THSD7A: variants seen among roughly 807,000 people sequenced by gnomAD.
THSD7A encodes thrombospondin type-1 domain-containing protein 7A.
Under a neutral mutation model 231.3 loss-of-function variants are expected in THSD7A, and 96 were observed. That is an observed-to-expected ratio of 0.41 (90% CI 0.35 to 0.49). THSD7A has a LOEUF of 0.49. Among genes scored for constraint, THSD7A ranks in the 20% least tolerant of loss-of-function variants. THSD7A has a pLI of 0.05. For missense variants in THSD7A, 2,290 were observed against 2,070.2 expected, an observed-to-expected ratio of 1.11 and a Z score of -2.06; for synonymous variants, 940 against 743.3, an observed-to-expected ratio of 1.26 and a Z score of -4.30.
chr7:11,806,218 C>T (rs1014741099), intron 1 of THSD7A, among the ~76,000 whole-genome samples: 1 of 152,146 alleles, frequency 6.6e-6, no homozygotes, highest in African/African-American at 2.4e-5. Flanking sequence ...GGAACTGCAG[C>T]TCCACTCCAT....
chr7:11,681,807 A>G (rs1783881669), intron 1 of THSD7A, among the ~76,000 whole-genome samples: 1 of 151,922 alleles, frequency 6.6e-6, no homozygotes, highest in Admixed American at 6.6e-5. Context: ...ACACATAGTG[A>G]GCAGAATTTC....
intron 6 of THSD7A, among the ~76,000 whole-genome samples, chr7:11,503,260 T>C (rs927537018): frequency 6.6e-6 from 1 of 152,228 alleles, no homozygotes; most frequent in Admixed American, 6.5e-5. Context: ...GCTAGCCATA[T>C]GCAGAAGATT....
intron 1 of THSD7A, among the ~76,000 whole-genome samples, chr7:11,726,362 C>T (rs1432884252): frequency 6.6e-6 from 1 of 152,026 alleles, no homozygotes; most frequent in Non-Finnish European, 1.5e-5. Context: ...CATTTTAAGT[C>T]GCAGAAACAA....
chr7:11,793,836 A>G (rs1039446204), intron 1 of THSD7A, among the ~76,000 whole-genome samples: 14 of 152,018 alleles, frequency 9.2e-5, no homozygotes, highest in African/African-American at 3.1e-4. Context: ...TGGGTGTTTT[A>G]TTTCTGATTT....
chr7:11,482,175 T>C (rs1054316100), intron 6 of THSD7A, among the ~76,000 whole-genome samples, 193 bp from the exon 7 acceptor site: 3 of 152,140 alleles, frequency 2.0e-5, no homozygotes, highest in Non-Finnish European at 4.4e-5. Flanking sequence ...TATACACACA[T>C]ATACACTCAT....
At chr7:11,728,486 T>C (rs1781619406) in intron 1 of THSD7A, among the ~76,000 whole-genome samples, 1 of 151,888 alleles carries the variant, frequency 6.6e-6, no homozygotes, top group African/African-American at 2.4e-5. Context: ...GTGTGCAAAC[T>C]CAAATGAACA....
At chr7:11,800,754 G>A (rs1269527508) in intron 1 of THSD7A, among the ~76,000 whole-genome samples, 2 of 152,046 alleles carry the variant, frequency 1.3e-5, no homozygotes, top group Admixed American at 6.6e-5. Context: ...ATTGTTTTTC[G>A]ATGAGTATAA....
At chr7:11,496,595 C>A (rs971306653) in intron 6 of THSD7A, among the ~76,000 whole-genome samples, 1 of 152,090 alleles carries the variant, frequency 6.6e-6, no homozygotes, top group South Asian at 2.1e-4. Context: ...GCATTGTGCT[C>A]AACTATCTAA....
At chr7:11,753,695 A>G (rs1338923844) in intron 1 of THSD7A, among the ~76,000 whole-genome samples, 6 of 151,978 alleles carry the variant, frequency 3.9e-5, no homozygotes, top group African/African-American at 1.4e-4. Flanking sequence ...GAGACCATAC[A>G]TATGAAAAAC....
intron 1 of THSD7A, among the ~76,000 whole-genome samples, chr7:11,776,448 T>C (rs1490194182): frequency 6.6e-6 from 1 of 152,220 alleles, no homozygotes; most frequent in Non-Finnish European, 1.5e-5. Flanking sequence ...AAAAAAGCCC[T>C]ACCCTTATTA....
intron 4 of THSD7A, among the ~76,000 whole-genome samples, chr7:11,563,651 G>A (rs924999561): frequency 9.2e-5 from 14 of 152,108 alleles, no homozygotes; most frequent in Non-Finnish European, 1.5e-4. Flanking sequence ...CATGAGCCAC[G>A]ATGCCCAGCC....
chr7:11,575,036 C>T (rs137954615), intron 4 of THSD7A, among the ~76,000 whole-genome samples: 15 of 152,000 alleles, frequency 9.9e-5, no homozygotes, highest in Non-Finnish European at 1.8e-4. Flanking sequence ...GCTCTTTGTA[C>T]GTCCATATTA....
intron 1 of THSD7A, among the ~76,000 whole-genome samples, chr7:11,826,959 G>A (rs1164691970): frequency 1.3e-5 from 2 of 151,968 alleles, no homozygotes; most frequent in Non-Finnish European, 2.9e-5. Flanking sequence ...ACTTTGAAAT[G>A]ACTGTGATAC....
chr7:11,739,624 C>A (rs1386768599), intron 1 of THSD7A, among the ~76,000 whole-genome samples: 1 of 151,462 alleles, frequency 6.6e-6, no homozygotes, highest in Non-Finnish European at 1.5e-5. Flanking sequence ...TCACTATGTT[C>A]CCAGGCTTGT....
chr7:11,375,117 GA>G lies in THSD7A; in HGVS notation c.*676del, dbSNP rs1225972352. The G allele has an allele frequency of 3.3e-5, 5 of 151,820 alleles. No homozygotes were observed. The highest frequency in any genetic ancestry group is 5.9e-5 in the Non-Finnish European group (4 of 67,926). 9.4% of individuals were successfully genotyped at this position (151,820 alleles called of 1,614,324 possible). On this transcript the variant is annotated 3_prime_UTR_variant, in exon 28 of 28. Transcript: ENST00000423059. ...CAGACAATTACCACTATAAAATACT[GA>G]ACTTGAGGACTCGTTCTTCTAAGAC... is the stretch of plus-strand genomic sequence containing the variant.
chr7:11,524,963 C>T lies in THSD7A; in HGVS notation c.1822+16456G>A, dbSNP rs562720427. On this transcript the variant is annotated intron_variant, in intron 6 of 27. Transcript: ENST00000423059. ...AAGAAACAGCAGGGAACCTGCCTTG[C>T]CTTTCTTAATTTTAGCAGGAGATAA... 6.6e-5 allele frequency among the ~76,000 whole-genome samples: 10 copies of T among 152,302 alleles called. No individual in the cohort carries two copies. In the East Asian group the frequency reaches 1.9e-3, roughly 29 times the overall value.
At chr7:11,501,168 A>G (rs1262901148) in intron 6 of THSD7A, among the ~76,000 whole-genome samples, 1 of 152,134 alleles carries the variant, frequency 6.6e-6, no homozygotes, top group Non-Finnish European at 1.5e-5. Flanking sequence ...TAGACTCCCC[A>G]CACAATAATA....
chr7:11,428,244 T>G (rs1348610539), intron 14 of THSD7A, among the ~76,000 whole-genome samples: 3 of 152,226 alleles, frequency 2.0e-5, no homozygotes, highest in Non-Finnish European at 4.4e-5. Context: ...AATTCACTTA[T>G]AGGCCAAACA....
intron 16 of THSD7A, among the ~76,000 whole-genome samples, chr7:11,420,539 C>T (rs999701216): frequency 6.6e-6 from 1 of 152,206 alleles, no homozygotes; most frequent in African/African-American, 2.4e-5. Context: ...GCCTGGATGT[C>T]CTGGCAGAAG....
Sources: allele counts gnomAD v4.1 joint callset (sites outside exome capture counted in the v4.1 genomes callset), GRCh38; gene constraint gnomAD v4.1.1; transcripts MANE v1.5; gene names NCBI Gene and HGNC (gene_info 2026-07-23, HGNC 2026-07-21).